Variants in COQ5 observed in about 807,000 individuals in gnomAD.
The protein encoded by COQ5 is coenzyme Q5, methyltransferase.
A neutral mutation model predicts 40.5 loss-of-function variants in COQ5; 27 were observed. The observed-to-expected ratio is 0.67, with a 90% CI of 0.49 to 0.92. COQ5 has a LOEUF of 0.92. COQ5 is among the 40% of genes least tolerant of loss of function. The probability of loss-of-function intolerance (pLI) is 0.00; values close to 1 mark genes in which losing one functional copy is unlikely to be tolerated. For synonymous variants in COQ5, 141 were observed against 150.0 expected, an observed-to-expected ratio of 0.94 and a Z score of 0.44; for missense variants, 409 against 406.4, an observed-to-expected ratio of 1.01 and a Z score of -0.06.
intron 2 of COQ5, among the ~76,000 whole-genome samples, chr12:120,518,253 C>CA (rs1375930357): frequency 6.6e-6 from 1 of 151,888 alleles, no homozygotes; most frequent in Non-Finnish European, 1.5e-5. Flanking sequence ...TGGTGAAACT[C>CA]AGTCTCTACG....
intron 2 of COQ5, among the ~76,000 whole-genome samples, chr12:120,520,172 C>A (rs1022206017): frequency 1.3e-5 from 2 of 151,474 alleles, no homozygotes; most frequent in African/African-American, 2.4e-5. Flanking sequence ...GAGACAGAGT[C>A]TTGCTCTGCA....
At chr12:120,519,492 G>A (rs1348868323) in intron 2 of COQ5, among the ~76,000 whole-genome samples, 5 of 152,026 alleles carry the variant, frequency 3.3e-5, no homozygotes, top group South Asian at 4.1e-4. Context: ...CCCAGGAGGC[G>A]GAGGTTGCAG....
chr12:120,503,702 G>T lies in COQ5; in HGVS notation c.*82C>A. On this transcript the variant is annotated 3_prime_UTR_variant, in exon 7 of 7. Coordinates refer to ENST00000288532, the MANE Select transcript of COQ5 (RefSeq NM_032314.4). The stretch of plus-strand genomic sequence containing the variant: ...TATCCTTAAGAGGAGATGCTCTGCT[G>T]CTGTCTCATTTGCCAGATTATCCTT... 1 of 969,306 alleles carries T rather than the reference G, an allele frequency of 1.0e-6. No individual in the cohort carries two copies. Among genetic ancestry groups the T allele is most frequent in the Non-Finnish European group, 1.7e-6 (1 of 601,484 alleles). 60.0% of individuals were successfully genotyped at this position (969,306 alleles called of 1,614,324 possible). A position where few individuals can be genotyped will look rare whatever the true frequency, so the allele number is the denominator to read the frequency against.
intron 4 of COQ5, among the ~76,000 whole-genome samples, chr12:120,505,848 A>ATG: frequency 7.2e-6 from 1 of 138,724 alleles, no homozygotes; most frequent in East Asian, 2.2e-4. Context: ...GAGCCACCGC[A>ATG]CCCAGCCTAT....
chr12:120,523,830 CA>C, intron 1 of COQ5: 1 of 306,476 alleles, frequency 3.3e-6, no homozygotes. Context: ...GCCAACATGG[CA>C]AAACCCTGTC....
intron 1 of COQ5, chr12:120,522,741 T>G (rs1270277920): frequency 7.6e-6 from 5 of 656,596 alleles, no homozygotes; most frequent in Non-Finnish European, 1.4e-5. Flanking sequence ...GTTTGATCTT[T>G]GGCCTTGGCC....
intron 3 of COQ5, among the ~76,000 whole-genome samples, chr12:120,512,398 C>T (rs1242522466): frequency 6.6e-6 from 1 of 151,860 alleles, no homozygotes; most frequent in Non-Finnish European, 1.5e-5. Context: ...GTCAAGAGTT[C>T]GAGACCAGCC....
Position 120,523,542 on chromosome 12 carries a change from A to G in COQ5, c.203-1179T>C, listed in dbSNP as rs541914833. On this transcript the variant is annotated intron_variant, in intron 1 of 6. Transcript: ENST00000288532. Reference sequence around the variant, plus strand: ...TTAATAAGAGGCTTAAATGTACTTCATGGAAGAAATCAACCTCTTTTCTGC... The same window carrying G: ...TTAATAAGAGGCTTAAATGTACTTCGTGGAAGAAATCAACCTCTTTTCTGC... The G allele has an allele frequency of 8.7e-5, 17 of 196,044 alleles. No homozygotes were observed. In the South Asian group the frequency reaches 1.2e-3, roughly 14 times the overall value. The allele number at this position is 196,044 out of a possible 1,614,324, so 12.1% of individuals were successfully genotyped here. A position where few individuals can be genotyped will look rare whatever the true frequency, so the allele number is the denominator to read the frequency against.
rs1200963223 is a variant in COQ5, at chr12:120,522,285, C to A, written c.281G>T (p.Trp94Leu). The stretch of plus-strand genomic sequence containing the variant: ...CATCTTCCAGAGCAGCAAATCCTTC[C>A]AAACACGATGGATACCAAGACTCAT... ...DMMSLGIHRV[W>L]KDLLLWKMHP... is the part of the protein sequence containing the mutation. The change falls in exon 2 of 7, where the codon TGG (tryptophan) becomes TTG (leucine). Residue 94 changes from tryptophan (W) to leucine (L), a missense_variant. Trp to Leu is a moderately conservative substitution (Grantham distance 61). Transcript: ENST00000288532. 3.7e-6 allele frequency: 6 copies of A among 1,613,860 alleles called. No individual in the cohort carries two copies. In the African/African-American group the frequency reaches 8.0e-5, roughly 22 times the overall value.
At chr12:120,507,905 T>C (rs1238010818) in intron 4 of COQ5, among the ~76,000 whole-genome samples, 1 of 150,162 alleles carries the variant, frequency 6.7e-6, no homozygotes, top group African/African-American at 2.4e-5. Context: ...ATAATAATAA[T>C]AAAATAAAAA....
At chr12:120,505,730 A>G (rs1364471981) in intron 4 of COQ5, among the ~76,000 whole-genome samples, 3 of 149,546 alleles carry the variant, frequency 2.0e-5, no homozygotes, top group Non-Finnish European at 4.5e-5. Context: ...CTAATTTTGT[A>G]TTTTTAGTAG....
intron 1 of COQ5, among the ~76,000 whole-genome samples, chr12:120,524,749 G>T (rs925944474): frequency 2.0e-5 from 3 of 151,904 alleles, no homozygotes; most frequent in Non-Finnish European, 4.4e-5. Flanking sequence ...AGACTACAGA[G>T]CCCGCCTTTA....
intron 4 of COQ5, among the ~76,000 whole-genome samples, chr12:120,507,220 A>C (rs926384252): frequency 6.6e-6 from 1 of 152,204 alleles, no homozygotes; most frequent in Admixed American, 6.5e-5. Flanking sequence ...ACAAGATTAG[A>C]AGCATCTTTA....
At chr12:120,524,184 C>T (rs1869819465) in intron 1 of COQ5, among the ~76,000 whole-genome samples, 1 of 152,096 alleles carries the variant, frequency 6.6e-6, no homozygotes, top group African/African-American at 2.4e-5. Context: ...AGGATCAACA[C>T]AGACTGTGGA....
At chr12:120,528,242 A>C (rs1424995595) in intron 1 of COQ5, among the ~76,000 whole-genome samples, 1 of 151,582 alleles carries the variant, frequency 6.6e-6, no homozygotes, top group Non-Finnish European at 1.5e-5. Context: ...AAAAACAACC[A>C]AAAAAACCCC....
At chr12:120,526,906 G>A (rs7135855) in intron 1 of COQ5, 42,104 of 157,390 alleles carry the variant, frequency 0.27, 6,813 homozygotes, top group Admixed American at 0.39. Flanking sequence ...TAGTAGAGAC[G>A]GAGTTTCACC....
intron 2 of COQ5, 92 bp downstream of exon 2, chr12:120,522,122 G>T: frequency 7.5e-7 from 1 of 1,335,696 alleles, no homozygotes. Flanking sequence ...ACCATCTTCC[G>T]CCTCGTGTTA....
At chr12:120,524,951 A>G (rs1390866884) in intron 1 of COQ5, among the ~76,000 whole-genome samples, 1 of 151,442 alleles carries the variant, frequency 6.6e-6, no homozygotes, top group Non-Finnish European at 1.5e-5. Context: ...AGCTGGGACT[A>G]CAGGCACGTG....
At chr12:120,511,350 G>C (rs1869130947) in intron 3 of COQ5, among the ~76,000 whole-genome samples, 1 of 152,136 alleles carries the variant, frequency 6.6e-6, no homozygotes, top group East Asian at 1.9e-4. Context: ...ACTGCTTAGA[G>C]GGCCCTTATC....
Sources: gnomAD v4.1 joint callset for allele counts (sites outside exome capture counted in the v4.1 genomes callset) on GRCh38, gnomAD v4.1.1 for gene constraint, MANE v1.5 for transcripts, NCBI Gene and HGNC (gene_info 2026-07-23, HGNC 2026-07-21) for gene names.